The following DHRS1 variants were observed in gnomAD, a reference collection of about 807,000 sequenced individuals.
DHRS1 encodes dehydrogenase/reductase SDR family member 1.
A neutral mutation model predicts 35.2 loss-of-function variants in DHRS1; 34 were observed. That is an observed-to-expected ratio of 0.97 (90% CI 0.74 to 1.29). The LOEUF is 1.29. DHRS1 is among the 50% of genes most tolerant of loss of function. The pLI, the probability that DHRS1 is intolerant of heterozygous loss-of-function variation, is 0.00. For synonymous variants in DHRS1, 133 were observed against 160.0 expected (o/e 0.83, Z 1.27); for missense variants, 354 against 403.6 (o/e 0.88, Z 1.05).
chr14:24,297,936 A>T (rs12887789), intron 2 of DHRS1, among the ~76,000 whole-genome samples: 60,653 of 151,778 alleles, frequency 0.4, 13,239 homozygotes, highest in Middle Eastern at 0.59. Flanking sequence ...GCTCCCCAAC[A>T]CCCCTAGAGT....
chr14:24,290,762 A>G lies in DHRS1; in HGVS notation c.*97T>C, dbSNP rs142273312. On this transcript the variant is annotated 3_prime_UTR_variant, in exon 9 of 9. Coordinates refer to ENST00000288111, the MANE Select transcript of DHRS1 (RefSeq NM_001136050.3). ...GAGGGCTTCTCTTCATATCAAGGGT[A>G]TGGGTAAACAAGAAAGGCTGCTGTT... is the stretch of plus-strand genomic sequence containing the variant. The G allele has an allele frequency of 1.0e-3, 1,521 of 1,486,616 alleles. 13 individuals are homozygous for G. The African/African-American group carries it at 0.017, about 17-fold the overall frequency. 92.1% of individuals were successfully genotyped at this position (1,486,616 alleles called of 1,614,324 possible).
At chr14:24,296,366 G>C (rs933150415) in intron 4 of DHRS1, 143 bp downstream of exon 4, 1 of 781,828 alleles carries the variant, frequency 1.3e-6, no homozygotes, top group Non-Finnish European at 2.1e-6. Context: ...TTCTCCAGAG[G>C]TAAGTGGGAC....
intron 2 of DHRS1, among the ~76,000 whole-genome samples, chr14:24,297,354 C>T (rs775297582): frequency 3.3e-5 from 5 of 152,174 alleles, no homozygotes; most frequent in Non-Finnish European, 5.9e-5. Flanking sequence ...TTGAAAAAAC[C>T]AAAGCTATCA....
At chr14:24,298,531 C>T (rs1478757908) in intron 2 of DHRS1, among the ~76,000 whole-genome samples, 1 of 152,192 alleles carries the variant, frequency 6.6e-6, no homozygotes, top group Non-Finnish European at 1.5e-5. Context: ...CACAGGTCCA[C>T]AACCCTTTAG....
Position 24,296,772 on chromosome 14 carries a change from TC to T in DHRS1, c.259del (p.Asp87MetfsTer15). 6.2e-7 allele frequency: 1 copy of T among 1,614,186 alleles called. No individual in the cohort carries two copies. Among genetic ancestry groups the T allele is most frequent in the Non-Finnish European group, 8.5e-7 (1 of 1,180,030 alleles). Reference sequence around the variant, plus strand: ...TGCATAAGCATTGTTGACCAGCACATCTAGACGCCCTTGCTGTTCCCGATCC... The same window carrying T: ...TGCATAAGCATTGTTGACCAGCACATTAGACGCCCTTGCTGTTCCCGATCC... ...QVDREQQGRL[D>X]VLVNNAYAGV... is the part of the protein sequence containing the mutation. On this transcript the variant is annotated frameshift_variant, in exon 3 of 9. Transcript: ENST00000288111. LOFTEE classifies it high-confidence loss of function.
intron 3 of DHRS1, 23 bp from the exon 4 acceptor site, chr14:24,296,611 T>C (rs755693547): frequency 2.5e-6 from 4 of 1,613,282 alleles, no homozygotes; most frequent in East Asian, 2.2e-5. Context: ...GGGAGGGTGA[T>C]GAATGATCTG....
intron 2 of DHRS1, among the ~76,000 whole-genome samples, chr14:24,297,962 C>T (rs1594611754): frequency 6.6e-6 from 1 of 152,302 alleles, no homozygotes; most frequent in East Asian, 1.9e-4. Context: ...GTGCATATCT[C>T]CCTCTTATAA....
Position 24,290,874 on chromosome 14 carries a change from G to A in DHRS1, c.927C>T (p.Tyr309=). ...ACCAGGAGGGTTAGAACTTGCTAGT[G>A]TAGAGGGCAATAATCCACTTGGGCA... ...LRVPKWIIAL[Y]TSKF is the part of the protein sequence containing the mutation. Residue 309 remains tyrosine, a synonymous_variant, in exon 9 of 9, where the codon TAC becomes TAT. Transcript: ENST00000288111. 1 of 1,613,892 alleles carries A rather than the reference G, an allele frequency of 6.2e-7. No individual in the cohort carries two copies. The highest frequency in any genetic ancestry group is 8.5e-7 in the Non-Finnish European group (1 of 1,179,988).
At chr14:24,298,928 G>C in intron 2 of DHRS1, 29 bp downstream of exon 2, 1 of 1,584,480 alleles carries the variant, frequency 6.3e-7, no homozygotes, top group South Asian at 1.1e-5. Context: ...GGTGGTTTCT[G>C]CAACTGTGGT....
chr14:24,297,693 G>T (rs1445775825), intron 2 of DHRS1, among the ~76,000 whole-genome samples: 1 of 151,990 alleles, frequency 6.6e-6, no homozygotes, highest in African/African-American at 2.4e-5. Context: ...GGTCTTCCAA[G>T]ACCCACTCTT....
intron 7 of DHRS1, 79 bp from the exon 8 acceptor site, chr14:24,291,298 C>T: frequency 1.4e-6 from 2 of 1,439,310 alleles, no homozygotes; most frequent in South Asian, 2.3e-5. Flanking sequence ...TTGGACAGGG[C>T]ACTGCTGAGA....
chr14:24,291,266 G>A (rs774406520), intron 7 of DHRS1, 47 bp from the exon 8 acceptor site: 1 of 1,593,506 alleles, frequency 6.3e-7, no homozygotes, highest in Non-Finnish European at 8.6e-7. Flanking sequence ...GGAGTATGCA[G>A]AGTGACAAGG....
At chr14:24,292,399 T>C in intron 5 of DHRS1, 69 bp from the exon 6 acceptor site, 1 of 1,596,068 alleles carries the variant, frequency 6.3e-7, no homozygotes. Context: ...CCCTCTCTGC[T>C]TCTACTGTGA....
Position 24,299,707 on chromosome 14 carries a change from G to A in DHRS1, c.-151C>T, listed in dbSNP as rs771681539. 4.7e-5 allele frequency: 22 copies of A among 470,172 alleles called. No individual in the cohort carries two copies. Among genetic ancestry groups the A allele is most frequent in the Non-Finnish European group, 6.0e-5 (16 of 266,410 alleles). The allele number at this position is 470,172 out of a possible 1,614,324, so 29.1% of individuals were successfully genotyped here. ...GATTGATTCTGTAGTAGGACCCGGG[G>A]CGATTCTGTGCTGAGGTAGAGGGGC... On this transcript the variant is annotated 5_prime_UTR_variant, in exon 1 of 9. Coordinates refer to ENST00000288111, the MANE Select transcript of DHRS1 (RefSeq NM_001136050.3).
In DHRS1 at chr14:24,299,188, G is replaced by A. The variant is rs2041321197; in HGVS notation, c.-24-58C>T. 6 of 1,477,748 alleles carry A rather than the reference G, an allele frequency of 4.1e-6. No individual in the cohort carries two copies. The East Asian group carries it at 9.7e-5, about 24-fold the overall frequency. 91.5% of individuals were successfully genotyped at this position (1,477,748 alleles called of 1,614,324 possible). On this transcript the variant is annotated intron_variant, in intron 1 of 8. Coordinates refer to ENST00000288111, the MANE Select transcript of DHRS1 (RefSeq NM_001136050.3). ...CTGGAGACTGTGTGTGTGTTGGGGC[G>A]AGGTTGGGGGGTAGGGGAGAACCTC...
chr14:24,292,300 C>T lies in DHRS1; in HGVS notation c.538G>A (p.Glu180Lys), dbSNP rs769800528. Residue 180 changes from glutamate to lysine, a missense_variant, in exon 6 of 9, where the codon GAG becomes AAG. By Grantham distance (56) the Glu-to-Lys change is moderately conservative (BLOSUM62 1). Transcript: ENST00000288111. Reference protein sequence around the residue: ...CDKLAADCAHELRRHGVSCVS... With the variant: ...CDKLAADCAHKLRRHGVSCVS... ...CAGCTGACCCCATGGCGCCGCAGCT[C>T]GTGGGCACAGTCAGCAGCCAGCTTG... is the stretch of plus-strand genomic sequence containing the variant. 5.0e-6 allele frequency: 8 copies of T among 1,614,018 alleles called. No individual in the cohort carries two copies. In the East Asian group the frequency reaches 6.7e-5, roughly 13 times the overall value.
intron 7 of DHRS1, 83 bp from the exon 8 acceptor site, chr14:24,291,302 G>C (rs1274569620): frequency 1.4e-6 from 2 of 1,389,438 alleles, no homozygotes; most frequent in African/African-American, 2.8e-5. Flanking sequence ...ACAGGGCACT[G>C]CTGAGAGCCC....
At position 24,291,173 on chromosome 14, in the gene DHRS1, G is replaced by T. The variant is rs745400245; in HGVS notation, c.771C>A (p.Asp257Glu). ...SLSGKVLPSC[D>E]LARRYGLRDV... ...CCCGAAGGCCATAGCGTCGAGCAAG[G>T]TCACAGGATGGCAGCACCTTACCAC... Residue 257 changes from aspartate to glutamate, a missense_variant, in exon 8 of 9, where the codon GAC (aspartate) becomes GAA (glutamate). Transcript: ENST00000288111. 5.6e-6 allele frequency: 9 copies of T among 1,614,182 alleles called. No individual in the cohort carries two copies. Among genetic ancestry groups the T allele is most frequent in the Non-Finnish European group, 7.6e-6 (9 of 1,180,048 alleles).
In DHRS1 at chr14:24,299,041, GCCACGGCCAATAC is replaced by G. The variant is rs771718420; in HGVS notation, c.53_65del (p.Gly18AlafsTer65). 1.2e-6 allele frequency: 2 copies of G among 1,614,042 alleles called. No homozygotes were observed. Among genetic ancestry groups the G allele is most frequent in the Non-Finnish European group, 1.7e-6 (2 of 1,180,010 alleles). On this transcript the variant is annotated frameshift_variant, in exon 2 of 9. Coordinates refer to ENST00000288111, the MANE Select transcript of DHRS1 (RefSeq NM_001136050.3). LOFTEE classifies it high-confidence loss of function. Reference sequence around the variant, plus strand: ...CTGCTTTGCAGAGCTGCAAGGCAATGCCACGGCCAATACCCCTGGAGGCACCAGTCACCACACA... The same window carrying G: ...CTGCTTTGCAGAGCTGCAAGGCAATGCCCTGGAGGCACCAGTCACCACACA...
Sources: gnomAD v4.1 joint callset for allele counts (sites outside exome capture counted in the v4.1 genomes callset) on GRCh38, gnomAD v4.1.1 for gene constraint, MANE v1.5 for transcripts, NCBI Gene and HGNC (gene_info 2026-07-23, HGNC 2026-07-21) for gene names.